The following PMFBP1 variants were observed in gnomAD, a reference collection of about 807,000 sequenced individuals.
PMFBP1 encodes the protein polyamine modulated factor 1 binding protein 1.
Under a neutral mutation model 137.8 loss-of-function variants are expected in PMFBP1, and 131 were observed. The ratio of observed to expected loss-of-function variants is 0.95; its 90% confidence interval spans 0.82 to 1.10. PMFBP1 has a LOEUF of 1.10. Ranked by LOEUF, PMFBP1 falls within the 50% of genes least tolerant of loss-of-function variation. The pLI, the probability that PMFBP1 is intolerant of heterozygous loss-of-function variation, is 0.00. For synonymous variants in PMFBP1, 490 were observed against 450.4 expected (o/e 1.09, Z -1.11); for missense variants, 1,199 against 1,175.4 (o/e 1.02, Z -0.29).
chr16:72,239,885 C>CAAAAAAAAAAAAAAAGAAAA, the PMFBP1 span, among the ~76,000 whole-genome samples: 1 of 21,402 alleles, frequency 4.7e-5, no homozygotes, highest in Non-Finnish European at 9.0e-5. Context: ...ACTCCATGTA[C>CAAAAAAAAAAAAAAAGAAAA]AAAAAAAAAA....
chr16:72,157,758 AAGAC>A (rs1597486074), intron 3 of PMFBP1, among the ~76,000 whole-genome samples: 1 of 152,194 alleles, frequency 6.6e-6, no homozygotes, highest in Non-Finnish European at 1.5e-5. Context: ...TAGGCAGGCA[AAGAC>A]AGAAAGACCA....
the PMFBP1 span, among the ~76,000 whole-genome samples, chr16:72,233,624 T>C: frequency 6.6e-6 from 1 of 152,160 alleles, no homozygotes; most frequent in African/African-American, 2.4e-5. Flanking sequence ...ATTCAATGAT[T>C]TGTGGTACAT....
intron 12 of PMFBP1, 64 bp downstream of exon 12, chr16:72,130,149 C>G: frequency 6.3e-7 from 1 of 1,593,588 alleles, no homozygotes; most frequent in East Asian, 2.2e-5. Flanking sequence ...GCCACTGCTC[C>G]TAGTCTGTGT....
chr16:72,193,966 G>C, the PMFBP1 span, among the ~76,000 whole-genome samples: 1 of 149,684 alleles, frequency 6.7e-6, no homozygotes, highest in Non-Finnish European at 1.5e-5. Context: ...GGCAGGTATG[G>C]TAATTATCAA....
intron 5 of PMFBP1, among the ~76,000 whole-genome samples, chr16:72,142,503 G>A (rs1444212806): frequency 2.0e-5 from 3 of 152,148 alleles, no homozygotes; most frequent in Admixed American, 2.0e-4. Flanking sequence ...CTCTAATACT[G>A]TGGTACAAGG....
At chr16:72,174,732 T>C (rs1042580913), upstream of PMFBP1, among the ~76,000 whole-genome samples, 2 of 152,170 alleles carry the variant, frequency 1.3e-5, no homozygotes, top group Non-Finnish European at 2.9e-5. Flanking sequence ...GCATGGCAAA[T>C]GCCAGACACT....
the PMFBP1 span, among the ~76,000 whole-genome samples, chr16:72,210,518 G>A: frequency 6.6e-6 from 1 of 152,192 alleles, no homozygotes; most frequent in Admixed American, 6.5e-5. Context: ...TCACAGTCCT[G>A]CTGGGGGACA....
In PMFBP1 at chr16:72,119,953, G is replaced by C. The variant is rs748309734; in HGVS notation, c.2905C>G (p.Gln969Glu). ...AAGGTGCCGCACACTTTCTCCCTCTGTGTGGACTCCGTTCTGCTCGGGCCT... is the reference window on the plus strand; with the variant it reads ...AAGGTGCCGCACACTTTCTCCCTCTCTGTGGACTCCGTTCTGCTCGGGCCT... The part of the protein sequence containing the change: ...ALGPSRTEST[Q>E]REKVCGTLGW... The change falls in exon 20 of 21, where the codon CAG becomes GAG. Residue 969 changes from glutamine (Q) to glutamate (E), a missense_variant. Gln to Glu is a conservative substitution (Grantham distance 29). Transcript: ENST00000237353. The C allele has an allele frequency of 1.2e-6, 2 of 1,614,090 alleles. No homozygotes were observed. The highest frequency in any genetic ancestry group is 1.7e-5 in the Admixed American group (1 of 59,998).
chr16:72,121,756 C>T (rs989251574), intron 19 of PMFBP1, among the ~76,000 whole-genome samples: 1 of 152,128 alleles, frequency 6.6e-6, no homozygotes, highest in African/African-American at 2.4e-5. Flanking sequence ...TCCCAATTAG[C>T]TGGGACTGTA....
upstream of PMFBP1, among the ~76,000 whole-genome samples, chr16:72,179,386 G>A (rs557646659): frequency 6.6e-6 from 1 of 152,158 alleles, no homozygotes; most frequent in South Asian, 2.1e-4. Context: ...TCTGTCAAAC[G>A]CCAGCTCAGT....
At chr16:72,220,318 C>T in the PMFBP1 span, among the ~76,000 whole-genome samples, 3 of 152,148 alleles carry the variant, frequency 2.0e-5, no homozygotes, top group African/African-American at 7.2e-5. Context: ...AATTATGACA[C>T]ATCTGCTAGA....
At chr16:72,155,346 T>G (rs1312200648) in intron 3 of PMFBP1, among the ~76,000 whole-genome samples, 1 of 152,220 alleles carries the variant, frequency 6.6e-6, no homozygotes, top group African/African-American at 2.4e-5. Flanking sequence ...TAAGTTTCTG[T>G]TTAAATCCTG....
At chr16:72,129,272 C>T (rs774321477) in intron 12 of PMFBP1, 39 bp from the exon 13 acceptor site, 6 of 1,587,376 alleles carry the variant, frequency 3.8e-6, no homozygotes, top group Middle Eastern at 1.7e-4. Context: ...CTGTCTTAGA[C>T]TATATTATAT....
chr16:72,118,987 T>C (rs1019406423), downstream of PMFBP1: 9 of 218,030 alleles, frequency 4.1e-5, no homozygotes, highest in Middle Eastern at 1.5e-3. Flanking sequence ...CTTCCCTGTA[T>C]ATGGAAGAGA....
the PMFBP1 span, among the ~76,000 whole-genome samples, chr16:72,213,469 C>T: frequency 6.6e-6 from 1 of 152,140 alleles, no homozygotes; most frequent in African/African-American, 2.4e-5. Context: ...GCCCATGTGA[C>T]AAGAAACCAA....
At chr16:72,225,657 G>A in the PMFBP1 span, among the ~76,000 whole-genome samples, 1 of 150,596 alleles carries the variant, frequency 6.6e-6, no homozygotes, top group Non-Finnish European at 1.5e-5. Context: ...AGGTTACAGT[G>A]AGCTATGATC....
At chr16:72,184,430 T>C in the PMFBP1 span, among the ~76,000 whole-genome samples, 2 of 152,346 alleles carry the variant, frequency 1.3e-5, no homozygotes, top group East Asian at 1.9e-4. Context: ...TCCTCTGATA[T>C]CACCTTTTTA....
chr16:72,151,173 T>A (rs984676355), intron 4 of PMFBP1, among the ~76,000 whole-genome samples: 11 of 152,196 alleles, frequency 7.2e-5, no homozygotes, highest in African/African-American at 2.7e-4. Context: ...AATGCTGGTA[T>A]TTTTTCCTTC....
chr16:72,149,622 A>G (rs887245960), intron 5 of PMFBP1, among the ~76,000 whole-genome samples: 1 of 152,168 alleles, frequency 6.6e-6, no homozygotes, highest in African/African-American at 2.4e-5. Context: ...CAGGCATTCA[A>G]GACCAGCCTG....
Sources: gnomAD v4.1 joint callset for allele counts (sites outside exome capture counted in the v4.1 genomes callset) on GRCh38, gnomAD v4.1.1 for gene constraint, MANE v1.5 for transcripts, NCBI Gene and HGNC (gene_info 2026-07-23, HGNC 2026-07-21) for gene names.